The following TCF12 variants were observed in gnomAD, a reference collection of about 807,000 sequenced individuals.
The protein encoded by TCF12 is transcription factor 12, also known as DNA-binding protein HTF4.
In TCF12, 45 loss-of-function variants were observed where a neutral mutation model predicts 86.0. That is an observed-to-expected ratio of 0.52 (90% CI 0.41 to 0.67). TCF12 has a LOEUF of 0.67. TCF12 is among the 30% of genes least tolerant of loss of function. The pLI, the probability that TCF12 is intolerant of heterozygous loss-of-function variation, is 0.00. For missense variants in TCF12, 881 were observed against 859.9 expected (o/e 1.02, Z -0.31); for synonymous variants, 330 against 299.6 (o/e 1.10, Z -1.05).
chr15:57,067,634 A>G (rs1373374374), intron 4 of TCF12, among the ~76,000 whole-genome samples: 6 of 151,774 alleles, frequency 4.0e-5, no homozygotes, highest in Admixed American at 2.0e-4. Context: ...TTTCCTAAGC[A>G]TGTCTCAGCA....
intron 3 of TCF12, among the ~76,000 whole-genome samples, chr15:56,930,163 G>T (rs2060183289): frequency 6.6e-6 from 1 of 152,154 alleles, no homozygotes; most frequent in African/African-American, 2.4e-5. Flanking sequence ...TGTGAATGTT[G>T]GTTGGGCATG....
intron 3 of TCF12, among the ~76,000 whole-genome samples, chr15:56,929,960 A>G (rs144852618): frequency 2.6e-5 from 4 of 152,248 alleles, no homozygotes; most frequent in African/African-American, 7.2e-5. Context: ...GCCTCCCTCA[A>G]AAGTTGTCAG....
intron 8 of TCF12, among the ~76,000 whole-genome samples, chr15:57,225,076 A>G (rs1268834294): frequency 1.3e-5 from 2 of 152,078 alleles, no homozygotes; most frequent in Non-Finnish European, 2.9e-5. Flanking sequence ...GAATTAGACT[A>G]TCATTTTAAT....
In TCF12 at chr15:57,138,761, GC is replaced by G. The variant is rs200265532; in HGVS notation, c.326-27640del. 5.8e-3 allele frequency among the ~76,000 whole-genome samples: 882 copies of G among 152,256 alleles called. 9 individuals carry two copies. The highest frequency in any genetic ancestry group is 6.7e-3 in the Admixed American group (103 of 15,284). On this transcript the variant is annotated intron_variant, in intron 5 of 20. Coordinates refer to ENST00000333725, the MANE Select transcript of TCF12 (RefSeq NM_207037.2). ...GTTTATTGGGGTTCATAGATAAAAA[GC>G]AAATGACCAGGTATTTTCATTATAA... is the stretch of plus-strand genomic sequence containing the variant.
intron 5 of TCF12, among the ~76,000 whole-genome samples, chr15:57,111,221 T>TG (rs577495989): frequency 8.4e-4 from 128 of 152,186 alleles, no homozygotes; most frequent in Non-Finnish European, 5.6e-4. Context: ...TATTTCACCC[T>TG]GGACGGAGTC....
intron 5 of TCF12, among the ~76,000 whole-genome samples, chr15:57,150,093 G>A (rs527272033): frequency 2.6e-5 from 4 of 152,128 alleles, no homozygotes; most frequent in African/African-American, 4.8e-5. Flanking sequence ...GCAAAAAGAC[G>A]AGATAATCAA....
chr15:56,978,220 T>C (rs540789857), intron 3 of TCF12, among the ~76,000 whole-genome samples: 7 of 152,188 alleles, frequency 4.6e-5, no homozygotes, highest in African/African-American at 1.7e-4. Flanking sequence ...CTGTATCGAG[T>C]AGTAGTAGTA....
intron 3 of TCF12, among the ~76,000 whole-genome samples, chr15:56,973,892 A>C (rs1160132421): frequency 6.6e-6 from 1 of 152,134 alleles, no homozygotes; most frequent in Non-Finnish European, 1.5e-5. Context: ...CCTGCCAAAA[A>C]TCTAAAACCT....
At chr15:56,962,144 A>AC (rs2140583791) in intron 3 of TCF12, among the ~76,000 whole-genome samples, 1 of 151,482 alleles carries the variant, frequency 6.6e-6, no homozygotes, top group African/African-American at 2.4e-5. Context: ...AAAAAAAAAA[A>AC]AAAAAAAAAA....
intron 3 of TCF12, among the ~76,000 whole-genome samples, chr15:56,969,130 G>A (rs924144491): frequency 2.0e-5 from 3 of 152,146 alleles, no homozygotes; most frequent in Admixed American, 2.0e-4. Context: ...AAATTGTGAG[G>A]GAGATATGTA....
At chr15:57,153,550 A>G (rs1231643272) in intron 5 of TCF12, among the ~76,000 whole-genome samples, 1 of 152,226 alleles carries the variant, frequency 6.6e-6, no homozygotes, top group Non-Finnish European at 1.5e-5. Flanking sequence ...ATAACTGTCT[A>G]AAGCAAAATT....
At chr15:56,918,381 G>A (rs1362501219), upstream of TCF12, 2 of 376,782 alleles carry the variant, frequency 5.3e-6, no homozygotes, top group Admixed American at 3.1e-5. Context: ...GCTCCCAGGA[G>A]GCCCGGACGA....
In TCF12 at chr15:56,920,487, C is replaced by CGTGT. The variant is rs71113033; in HGVS notation, c.75+518_76-517dup. ...TACTTTTATTTTATACACACACACA[C>CGTGT]GTGTGTGTGTGTGTGTGTGTGTATT... is the stretch of plus-strand genomic sequence containing the variant. On this transcript the variant is annotated intron_variant, in intron 2 of 20. Coordinates refer to ENST00000333725, the MANE Select transcript of TCF12 (RefSeq NM_207037.2). Among the ~76,000 whole-genome samples, 463 of 146,938 alleles carry CGTGT rather than the reference C, an allele frequency of 3.2e-3. 3 individuals are homozygous for CGTGT. The highest frequency in any genetic ancestry group is 7.7e-3 in the South Asian group (35 of 4,540).
chr15:57,104,443 T>TC (rs1347898479), intron 5 of TCF12, among the ~76,000 whole-genome samples: 3 of 144,004 alleles, frequency 2.1e-5, no homozygotes, highest in Non-Finnish European at 3.1e-5. Flanking sequence ...TTCTTTTTTT[T>TC]TTTTTTTTTT....
At chr15:56,948,302 GTAT>G (rs142999600) in intron 3 of TCF12, among the ~76,000 whole-genome samples, 7,799 of 152,024 alleles carry the variant, frequency 0.051, 286 homozygotes, top group South Asian at 0.13. Flanking sequence ...ACAATGTGAA[GTAT>G]TATTTATTGC....
At chr15:57,010,418 G>C (rs2064755281) in intron 3 of TCF12, among the ~76,000 whole-genome samples, 1 of 151,854 alleles carries the variant, frequency 6.6e-6, no homozygotes, top group Non-Finnish European at 1.5e-5. Flanking sequence ...CTATCTTTAA[G>C]TTAAAAAAAA....
intron 4 of TCF12, among the ~76,000 whole-genome samples, chr15:57,067,225 A>G (rs1381671322): frequency 6.6e-6 from 1 of 152,204 alleles, no homozygotes; most frequent in South Asian, 2.1e-4. Context: ...CTAGGTTGAC[A>G]TAAAAATAGA....
intron 7 of TCF12, 31 bp downstream of exon 7, chr15:57,192,324 A>G (rs775358609): frequency 4.0e-5 from 64 of 1,601,032 alleles, no homozygotes; most frequent in Non-Finnish European, 5.4e-5. Context: ...ATCCCATCCC[A>G]CATATGTTGT....
At chr15:57,216,855 A>G (rs1402804151) in intron 8 of TCF12, among the ~76,000 whole-genome samples, 1 of 152,106 alleles carries the variant, frequency 6.6e-6, no homozygotes, top group Non-Finnish European at 1.5e-5. Flanking sequence ...TGGAGCGACA[A>G]ACTTAAAAGA....
Sources: gnomAD v4.1 joint callset for allele counts (sites outside exome capture counted in the v4.1 genomes callset) on GRCh38, gnomAD v4.1.1 for gene constraint, MANE v1.5 for transcripts, NCBI Gene and HGNC (gene_info 2026-07-23, HGNC 2026-07-21) for gene names.